The following ANKRD12 variants were observed in gnomAD, a reference collection of about 807,000 sequenced individuals.
ANKRD12 encodes the protein ankyrin repeat domain-containing protein 12.
ANKRD12 carries 85 observed loss-of-function variants against 183.4 expected under a neutral mutation model. That is an observed-to-expected ratio of 0.46 (90% CI 0.39 to 0.56). The LOEUF is 0.56. Among genes scored for constraint, ANKRD12 ranks in the 20% least tolerant of loss-of-function variants. The pLI, the probability that ANKRD12 is intolerant of heterozygous loss-of-function variation, is 0.00. For missense variants in ANKRD12, 2,405 were observed against 2,357.1 expected (o/e 1.02, Z -0.42); for synonymous variants, 914 against 800.2 (o/e 1.14, Z -2.40).
intron 2 of ANKRD12, among the ~76,000 whole-genome samples, chr18:9,187,907 C>T (rs907196157): frequency 6.6e-6 from 1 of 152,130 alleles, no homozygotes; most frequent in Non-Finnish European, 1.5e-5. Flanking sequence ...TCATTATTTC[C>T]TCTCCAAGTG....
intron 10 of ANKRD12, among the ~76,000 whole-genome samples, chr18:9,274,085 C>T (rs1287636916): frequency 6.6e-6 from 1 of 152,174 alleles, no homozygotes; most frequent in Non-Finnish European, 1.5e-5. Context: ...GCCTTGATTC[C>T]CTGTCACTGG....
Position 9,157,639 on chromosome 18 carries a change from G to C in ANKRD12, c.-52+20674G>C, listed in dbSNP as rs1258586453. 2.4e-5 allele frequency among the ~76,000 whole-genome samples: 3 copies of C among 122,526 alleles called. 1 individual carries two copies. Among genetic ancestry groups the C allele is most frequent in the South Asian group, 5.0e-4 (2 of 3,966 alleles). 80.4% of individuals were successfully genotyped at this position (122,526 alleles called of 152,430 possible). On this transcript the variant is annotated intron_variant, in intron 1 of 12. Coordinates refer to ENST00000262126, the MANE Select transcript of ANKRD12 (RefSeq NM_015208.5). ...TTTTTTTGAGATGGAGTCTTGCTCT[G>C]TCTCCCAGGCTGGAGTGCAGTGGCA...
intron 1 of ANKRD12, among the ~76,000 whole-genome samples, chr18:9,174,574 A>G (rs553141536): frequency 1.9e-4 from 29 of 152,250 alleles, no homozygotes; most frequent in African/African-American, 5.8e-4. Context: ...GGGTTACACA[A>G]TCACTCACTG....
At chr18:9,183,387 CT>C (rs2144201563) in intron 2 of ANKRD12, among the ~76,000 whole-genome samples, 1 of 152,212 alleles carries the variant, frequency 6.6e-6, no homozygotes, top group African/African-American at 2.4e-5. Context: ...CATGGAATAG[CT>C]CTTCATTTAC....
chr18:9,279,426 A>G (rs1279470377), intron 11 of ANKRD12, 123 bp from the exon 12 acceptor site: 3 of 621,824 alleles, frequency 4.8e-6, no homozygotes, highest in East Asian at 3.2e-5. Context: ...TTCAATTTAT[A>G]TATTTCTCAA....
rs373836346 is a variant in ANKRD12, at chr18:9,193,907, G to A, written c.88-1644G>A. ...AGTTTTAGATGTGCTGTATCAATTT[G>A]GATGTTTTGATTATAGGAGTGAACT... On this transcript the variant is annotated intron_variant, in intron 2 of 12. Transcript: ENST00000262126. 7.2e-5 allele frequency among the ~76,000 whole-genome samples: 11 copies of A among 152,240 alleles called. 1 individual carries two copies. The highest frequency in any genetic ancestry group is 2.6e-4 in the African/African-American group (11 of 41,540).
intron 6 of ANKRD12, among the ~76,000 whole-genome samples, chr18:9,214,674 A>G (rs2035994702): frequency 6.6e-6 from 1 of 152,082 alleles, no homozygotes; most frequent in Admixed American, 6.6e-5. Context: ...AAAAGAAAAA[A>G]TTGAATTGCT....
At chr18:9,241,240 A>T (rs934709774) in intron 8 of ANKRD12, among the ~76,000 whole-genome samples, 1 of 152,184 alleles carries the variant, frequency 6.6e-6, no homozygotes, top group Non-Finnish European at 1.5e-5. Context: ...AACAAATTTG[A>T]TGATCGGGAA....
intron 8 of ANKRD12, among the ~76,000 whole-genome samples, chr18:9,224,896 AAAGAT>A (rs1336859695): frequency 1.3e-5 from 2 of 152,214 alleles, no homozygotes; most frequent in Non-Finnish European, 2.9e-5. Context: ...GTATATACCA[AAAGAT>A]AAGATAATCT....
intron 8 of ANKRD12, among the ~76,000 whole-genome samples, chr18:9,253,321 C>T (rs1249576426): frequency 1.3e-5 from 2 of 152,112 alleles, no homozygotes; most frequent in Non-Finnish European, 2.9e-5. Flanking sequence ...TTTTTGTACC[C>T]ATTAACTCTC....
intron 7 of ANKRD12, among the ~76,000 whole-genome samples, chr18:9,217,793 T>C (rs2036194523): frequency 2.6e-5 from 4 of 152,218 alleles, no homozygotes; most frequent in Admixed American, 2.6e-4. Flanking sequence ...CTGCAAGTAC[T>C]ACCATGCATA....
At chr18:9,183,120 A>T (rs969054409) in intron 2 of ANKRD12, among the ~76,000 whole-genome samples, 1 of 152,208 alleles carries the variant, frequency 6.6e-6, no homozygotes, top group Non-Finnish European at 1.5e-5. Context: ...ATTTGTAGTC[A>T]GTCTCCACTG....
chr18:9,262,019 A>G (rs560005686), intron 9 of ANKRD12, among the ~76,000 whole-genome samples: 8 of 152,374 alleles, frequency 5.3e-5, no homozygotes, highest in African/African-American at 1.9e-4. Flanking sequence ...AATTACTGCA[A>G]TTAGAGGCCT....
chr18:9,279,948 G>GAAAA, intron 12 of ANKRD12, among the ~76,000 whole-genome samples: 1 of 152,076 alleles, frequency 6.6e-6, no homozygotes, highest in South Asian at 2.1e-4. Flanking sequence ...GGTAAGAAAA[G>GAAAA]GAATATAGTT....
At chr18:9,157,597 A>ATATATATATATATATATG (rs913027226) in intron 1 of ANKRD12, among the ~76,000 whole-genome samples, 6 of 114,838 alleles carry the variant, frequency 5.2e-5, no homozygotes, top group African/African-American at 1.2e-4. Flanking sequence ...ATATATATAT[A>ATATATATATATATATATG]TATGTATTTT....
intron 7 of ANKRD12, among the ~76,000 whole-genome samples, chr18:9,220,299 G>A (rs952629419): frequency 6.6e-6 from 1 of 152,082 alleles, no homozygotes; most frequent in Non-Finnish European, 1.5e-5. Context: ...TTATGTCCTC[G>A]AAATACAGAG....
At chr18:9,145,039 A>G (rs2078448246) in intron 1 of ANKRD12, among the ~76,000 whole-genome samples, 1 of 152,156 alleles carries the variant, frequency 6.6e-6, no homozygotes, top group Non-Finnish European at 1.5e-5. Flanking sequence ...CTTGAATTTG[A>G]AAGTATTTGA....
At chr18:9,235,570 G>C in intron 8 of ANKRD12, 1 of 453,454 alleles carries the variant, frequency 2.2e-6, no homozygotes, top group Non-Finnish European at 4.4e-6. Flanking sequence ...CACACCTGAT[G>C]AAAGAATATA....
In ANKRD12 at chr18:9,257,917, C is replaced by G. The variant is rs200177221; in HGVS notation, c.4650C>G (p.Val1550=). The part of the protein sequence containing the change: ...ESTKDTENTF[V]LGDVQKTDAF... ...CAAAAGATACAGAAAATACTTTTGT[C>G]CTAGGAGATGTTCAAAAAACAGATG... Residue 1550 remains valine (V), a synonymous_variant, in exon 9 of 13, where the codon GTC becomes GTG. Transcript: ENST00000262126. 2.5e-5 allele frequency: 40 copies of G among 1,613,728 alleles called. No individual in the cohort carries two copies. The highest frequency in any genetic ancestry group is 6.7e-5 in the Admixed American group (4 of 59,912).
Sources: gnomAD v4.1 joint callset for allele counts (sites outside exome capture counted in the v4.1 genomes callset) on GRCh38, gnomAD v4.1.1 for gene constraint, MANE v1.5 for transcripts, NCBI Gene and HGNC (gene_info 2026-07-23, HGNC 2026-07-21) for gene names.